The following SPARCL1 variants were observed in gnomAD, a reference collection of about 807,000 sequenced individuals.
SPARCL1 encodes SPARC like 1.
Under a neutral mutation model 67.1 loss-of-function variants are expected in SPARCL1, and 52 were observed. The ratio of observed to expected loss-of-function variants is 0.78; its 90% CI spans 0.62 to 0.98. The LOEUF is 0.98. Among genes scored for constraint, SPARCL1 ranks in the 50% least tolerant of loss-of-function variants. The pLI is 0.00. For missense variants in SPARCL1, 717 were observed against 782.4 expected, an observed-to-expected ratio of 0.92 and a Z score of 1.00; for synonymous variants, 226 against 267.8, an observed-to-expected ratio of 0.84 and a Z score of 1.52.
rs373292481 is a variant in SPARCL1, at chr4:87,490,869, A to G, written c.1301T>C (p.Met434Thr). The G allele has an allele frequency of 1.0e-5, 16 of 1,583,368 alleles. No homozygotes were observed. The African/African-American group carries it at 1.5e-4, about 15-fold the overall frequency. Residue 434 changes from methionine (M) to threonine (T), a missense_variant, in exon 6 of 11, where the codon ATG becomes ACG. Coordinates refer to ENST00000282470, the MANE Select transcript of SPARCL1 (RefSeq NM_004684.6). ...NMRVHAVDSCMSFQCKRGHIC... is the reference protein window; with the variant it reads ...NMRVHAVDSCTSFQCKRGHIC... ...GTGGCCTCTTTTACACTGGAAGCTC[A>G]TGCAAGAATCTAACAGAAAAGATTG... is the stretch of plus-strand genomic sequence containing the variant.
intron 1 of SPARCL1, among the ~76,000 whole-genome samples, chr4:87,522,932 T>A (rs1725886066): frequency 6.6e-6 from 1 of 152,182 alleles, no homozygotes; most frequent in African/African-American, 2.4e-5. Flanking sequence ...TTCTTCATTT[T>A]GAGCAGCAAA....
chr4:87,513,916 G>A (rs1214007480), intron 1 of SPARCL1, among the ~76,000 whole-genome samples: 1 of 152,210 alleles, frequency 6.6e-6, no homozygotes, highest in Non-Finnish European at 1.5e-5. Flanking sequence ...AATTAGGGCT[G>A]GGCATTGTGG....
intron 1 of SPARCL1, among the ~76,000 whole-genome samples, chr4:87,515,476 T>C (rs1725543088): frequency 1.3e-5 from 2 of 152,232 alleles, no homozygotes; most frequent in South Asian, 4.1e-4. Flanking sequence ...GACACTTTAA[T>C]TCATCCCTTT....
intron 1 of SPARCL1, among the ~76,000 whole-genome samples, chr4:87,516,405 T>C (rs575683739): frequency 6.6e-6 from 1 of 150,694 alleles, no homozygotes; most frequent in African/African-American, 2.5e-5. Flanking sequence ...ATGTACTCAG[T>C]AGTAGAATCA....
At chr4:87,526,330 C>T (rs942654879) in intron 1 of SPARCL1, among the ~76,000 whole-genome samples, 1 of 152,200 alleles carries the variant, frequency 6.6e-6, no homozygotes, top group African/African-American at 2.4e-5. Flanking sequence ...AAGAATATTT[C>T]CTTCTTGATC....
Position 87,493,668 on chromosome 4 carries a change from CA to C in SPARCL1, c.1131del (p.Ile377MetfsTer20). The C allele has an allele frequency of 6.2e-7, 1 of 1,614,086 alleles. No individual in the cohort carries two copies. Among genetic ancestry groups the C allele is most frequent in the Non-Finnish European group, 8.5e-7 (1 of 1,180,010 alleles). On this transcript the variant is annotated frameshift_variant, in exon 4 of 11. Coordinates refer to ENST00000282470, the MANE Select transcript of SPARCL1 (RefSeq NM_004684.6). LOFTEE classifies it high-confidence loss of function. ...TGCTCCTCAATTTTGAGGTGATAGG[CA>C]ATGGATTGAGCTCTCTCGGCCTCCA... ...AFLEAERAQSIAYHLKIEEQR... is the reference protein window; with the variant it reads ...AFLEAERAQSXAYHLKIEEQR...
At chr4:87,487,475 T>C (rs1560815293) in intron 7 of SPARCL1, among the ~76,000 whole-genome samples, 1 of 152,254 alleles carries the variant, frequency 6.6e-6, no homozygotes, top group Non-Finnish European at 1.5e-5. Flanking sequence ...GTTAGTCTGA[T>C]GGGCTTCCCT....
At chr4:87,479,283 C>T in intron 10 of SPARCL1, 147 bp downstream of exon 10, 1 of 773,026 alleles carries the variant, frequency 1.3e-6, no homozygotes, top group Non-Finnish European at 2.2e-6. Flanking sequence ...GCATGTGCAC[C>T]AAGGGAGTCC....
intron 6 of SPARCL1, 123 bp downstream of exon 6, chr4:87,490,637 C>T (rs1028140275): frequency 6.5e-6 from 5 of 765,490 alleles, no homozygotes; most frequent in African/African-American, 1.8e-5. Context: ...TCCAAATATC[C>T]CAAATAACCA....
rs1265869208 is a variant in SPARCL1, at chr4:87,480,415, C to A, written c.1774G>T (p.Val592Leu). The change falls in exon 9 of 11, where the codon GTG becomes TTG. Residue 592 changes from valine to leucine, a missense_variant. By Grantham distance (32) the Val-to-Leu change is conservative. Transcript: ENST00000282470. ...TCAAGTTCACTAAACTGCCAGTGCA[C>A]AGGATACACATACATGTGGTAGTTT... ...KKNYHMYVYP[V>L]HWQFSELDQH... is the part of the protein sequence containing the mutation. 1.2e-6 allele frequency: 2 copies of A among 1,611,434 alleles called. No individual in the cohort carries two copies. The highest frequency in any genetic ancestry group is 3.3e-5 in the Admixed American group (2 of 59,868).
In SPARCL1 at chr4:87,493,745, C is replaced by T. The variant is rs200728329; in HGVS notation, c.1055G>A (p.Gly352Asp). The T allele has an allele frequency of 3.1e-6, 5 of 1,614,144 alleles. No individual in the cohort carries two copies. The highest frequency in any genetic ancestry group is 1.7e-6 in the Non-Finnish European group (2 of 1,180,018). ...GTCATCACTTGCACTGTGCCTGGGG[C>T]CATCAGTGCCGCCATCATCGCCATC... ...DDDGDDGGTD[G>D]PRHSASDDYF... The change falls in exon 4 of 11, where the codon GGC (glycine) becomes GAC (aspartate). Residue 352 changes from glycine (G) to aspartate (D), a missense_variant. Gly to Asp is a moderately conservative substitution (Grantham distance 94). Transcript: ENST00000282470.
At chr4:87,507,916 T>C (rs1725168864) in intron 1 of SPARCL1, among the ~76,000 whole-genome samples, 1 of 152,212 alleles carries the variant, frequency 6.6e-6, no homozygotes, top group Non-Finnish European at 1.5e-5. Context: ...TACTGGTTTA[T>C]AATAAAGGAT....
At chr4:87,524,009 A>G (rs1377039604) in intron 1 of SPARCL1, among the ~76,000 whole-genome samples, 1 of 152,194 alleles carries the variant, frequency 6.6e-6, no homozygotes, top group East Asian at 1.9e-4. Flanking sequence ...TCCTTGCTGC[A>G]TTTCTGGAAT....
intron 1 of SPARCL1, among the ~76,000 whole-genome samples, chr4:87,521,550 C>T (rs1725819878): frequency 6.6e-6 from 1 of 152,172 alleles, no homozygotes; most frequent in African/African-American, 2.4e-5. Context: ...AGTCTGAACC[C>T]TCCAGTGGTT....
Position 87,486,574 on chromosome 4 carries a change from G to C in SPARCL1, c.1531+3699C>G, listed in dbSNP as rs143278356. Among the ~76,000 whole-genome samples the C allele has an allele frequency of 9.4e-3, 1,429 of 152,162 alleles. 19 individuals carry two copies. The highest frequency in any genetic ancestry group is 0.02 in the Middle Eastern group (6 of 294). On this transcript the variant is annotated intron_variant, in intron 7 of 10. Transcript: ENST00000282470. Reference sequence around the variant, plus strand: ...TGGAGAGTTCTGTAGATGTCTATTAGGTCTGCTTGGTCCAGAGCTGAGTTC... The same window carrying C: ...TGGAGAGTTCTGTAGATGTCTATTACGTCTGCTTGGTCCAGAGCTGAGTTC...
Position 87,494,105 on chromosome 4 carries a change from TTGCTGTTAGCA to T in SPARCL1, c.684_694del (p.His228GlnfsTer10). ...AGATTGGGTATTGTCTTCCTCCTGC[TTGCTGTTAGCA>T]TGCTCCCTGGGCAATTCTGTCTTTC... On this transcript the variant is annotated frameshift_variant, in exon 4 of 11. Coordinates refer to ENST00000282470, the MANE Select transcript of SPARCL1 (RefSeq NM_004684.6). LOFTEE classifies it high-confidence loss of function. The T allele has an allele frequency of 6.2e-7, 1 of 1,613,966 alleles. No individual in the cohort carries two copies. Among genetic ancestry groups the T allele is most frequent in the Admixed American group, 1.7e-5 (1 of 60,018 alleles).
chr4:87,514,592 G>A (rs1725507013), intron 1 of SPARCL1, among the ~76,000 whole-genome samples: 1 of 152,168 alleles, frequency 6.6e-6, no homozygotes. Flanking sequence ...GACCTTGTGG[G>A]ACAATCCAGT....
intron 2 of SPARCL1, among the ~76,000 whole-genome samples, chr4:87,496,664 G>A (rs1436690796): frequency 6.6e-6 from 1 of 152,176 alleles, no homozygotes; most frequent in Non-Finnish European, 1.5e-5. Context: ...TAGTACTAAT[G>A]TCACACTGTG....
At chr4:87,499,457 A>G in intron 2 of SPARCL1, 64 bp downstream of exon 2, 1 of 1,285,616 alleles carries the variant, frequency 7.8e-7, no homozygotes, top group Non-Finnish European at 1.1e-6. Flanking sequence ...TTTCTTTTAA[A>G]TGGAGGATTT....
Sources: gnomAD v4.1 joint callset for allele counts (sites outside exome capture counted in the v4.1 genomes callset) on GRCh38, gnomAD v4.1.1 for gene constraint, MANE v1.5 for transcripts, NCBI Gene and HGNC (gene_info 2026-07-23, HGNC 2026-07-21) for gene names.